EPB41L1: variants seen among roughly 807,000 people sequenced by gnomAD.
EPB41L1 encodes erythrocyte membrane protein band 4.1 like 1.
Under a neutral mutation model 97.8 loss-of-function variants are expected in EPB41L1, and 29 were observed. The ratio of observed to expected loss-of-function variants is 0.30; its 90% CI spans 0.22 to 0.40. The LOEUF is 0.40. EPB41L1 is among the 10% of genes least tolerant of loss of function. The pLI is 1.00. For synonymous variants in EPB41L1, 383 were observed against 459.2 expected, an observed-to-expected ratio of 0.83 and a Z score of 2.12; for missense variants, 812 against 1,162.3, an observed-to-expected ratio of 0.70 and a Z score of 4.38.
chr20:36,212,492 C>A lies in EPB41L1; in HGVS notation c.2184+116C>A, dbSNP rs963247104. ...TCTTTTAATCTCAGCTTCCCTGGAACCCATATGTTAATCCTGATGCTCTCC... is the reference window on the plus strand; with the variant it reads ...TCTTTTAATCTCAGCTTCCCTGGAAACCATATGTTAATCCTGATGCTCTCC... On this transcript the variant is annotated intron_variant, in intron 16 of 21. Coordinates refer to ENST00000338074, the MANE Select transcript of EPB41L1 (RefSeq NM_012156.2). The surrounding 1 kb of genome is among the most constrained non-coding windows in gnomAD (Gnocchi z 4.8). The A allele has an allele frequency of 2.4e-6, 2 of 845,986 alleles. No homozygotes were observed. The highest frequency in any genetic ancestry group is 3.3e-5 in the African/African-American group (2 of 59,746). The allele number at this position is 845,986 out of a possible 1,614,324, so 52.4% of individuals were successfully genotyped here.
Position 36,207,656 on chromosome 20 carries a change from C to G in EPB41L1, c.1669-1832C>G. The G allele has an allele frequency of 7.8e-7, 1 of 1,290,200 alleles. No homozygotes were observed. Among genetic ancestry groups the G allele is most frequent in the South Asian group, 1.2e-5 (1 of 81,034 alleles). 79.9% of individuals were successfully genotyped at this position (1,290,200 alleles called of 1,614,324 possible). On this transcript the variant is annotated intron_variant, in intron 14 of 21. Transcript: ENST00000338074. This position sits in a 1 kb window ranked among gnomAD's most constrained non-coding sequence, Gnocchi z 4.9. Reference sequence around the variant, plus strand: ...AAAGCCACACATTCCACAGTGATACCTCTGGCTACCAGACACTTCAGGGAG... The same window carrying G: ...AAAGCCACACATTCCACAGTGATACGTCTGGCTACCAGACACTTCAGGGAG...
chr20:36,125,182 C>G (rs866432506), intron 2 of EPB41L1, among the ~76,000 whole-genome samples: 2 of 152,132 alleles, frequency 1.3e-5, no homozygotes, highest in Non-Finnish European at 2.9e-5. Context: ...GGCTGGGAAC[C>G]TTTCTGGTGT....
chr20:36,109,544 C>T (rs575293678), intron 1 of EPB41L1: 1 of 152,308 alleles, frequency 6.6e-6, no homozygotes, highest in East Asian at 1.9e-4. Context: ...AGCTCATATT[C>T]AGTTATTCCA....
intron 2 of EPB41L1, among the ~76,000 whole-genome samples, chr20:36,142,267 C>T (rs1366638062): frequency 1.3e-5 from 2 of 152,108 alleles, no homozygotes; most frequent in African/African-American, 4.8e-5. Context: ...TTTTGTGTGG[C>T]TGCGTAGTAT....
chr20:36,157,522 T>C (rs1183904308), intron 1 of EPB41L1, among the ~76,000 whole-genome samples: 1 of 152,178 alleles, frequency 6.6e-6, no homozygotes, highest in Non-Finnish European at 1.5e-5. Flanking sequence ...GGGGGCAATA[T>C]CTGGAAGTAC....
At chr20:36,186,747 A>G (rs143543718) in intron 7 of EPB41L1, among the ~76,000 whole-genome samples, 33 of 152,318 alleles carry the variant, frequency 2.2e-4, no homozygotes, top group Middle Eastern at 6.8e-3. Context: ...TCAGATCAAT[A>G]TGGGCTGGAG....
At position 36,190,378 on chromosome 20, in the gene EPB41L1, A is replaced by G; in HGVS notation, c.1124+4A>G. ...TCGAGCATCATACATTCTTCCGGTG[A>G]GCCTGACCTTGGATGGGGTAATGGG... On this transcript the variant is annotated splice_donor_region_variant and intron_variant, in intron 10 of 21. Transcript: ENST00000338074. This position sits in a 1 kb window ranked among gnomAD's most constrained non-coding sequence, Gnocchi z 5.8. 6.2e-7 allele frequency: 1 copy of G among 1,613,886 alleles called. No homozygotes were observed. Among genetic ancestry groups the G allele is most frequent in the Non-Finnish European group, 8.5e-7 (1 of 1,179,930 alleles).
intron 9 of EPB41L1, 62 bp downstream of exon 9, chr20:36,188,561 G>A: frequency 1.5e-6 from 2 of 1,299,236 alleles, no homozygotes; most frequent in Non-Finnish European, 2.0e-6. Flanking sequence ...GTGGACCCTG[G>A]CAGCTGGGCC....
chr20:36,222,049 C>T (rs1569375370), intron 20 of EPB41L1, 105 bp downstream of exon 20: 3 of 1,258,096 alleles, frequency 2.4e-6, no homozygotes, highest in Non-Finnish European at 3.5e-6. Context: ...AGAAGGTGTC[C>T]ACTTCTTGCT....
chr20:36,221,802 C>A, intron 19 of EPB41L1, 62 bp from the exon 20 acceptor site: 1 of 1,445,966 alleles, frequency 6.9e-7, no homozygotes, highest in East Asian at 2.3e-5. Flanking sequence ...GGGTAGGTCC[C>A]CTCTTGAGGC....
chr20:36,188,076 A>G (rs1355129727), intron 8 of EPB41L1, among the ~76,000 whole-genome samples: 2 of 152,328 alleles, frequency 1.3e-5, no homozygotes, highest in East Asian at 3.9e-4. Context: ...AGTGTGTGCC[A>G]CTAAATATTT....
rs975364376 is a variant in EPB41L1, at chr20:36,207,048, G to A, written c.1669-2440G>A. 18 of 1,289,708 alleles carry A rather than the reference G, an allele frequency of 1.4e-5. No homozygotes were observed. The highest frequency in any genetic ancestry group is 1.4e-5 in the Non-Finnish European group (14 of 988,862). The allele number at this position is 1,289,708 out of a possible 1,614,324, so 79.9% of individuals were successfully genotyped here. Reference sequence around the variant, plus strand: ...GAGGGGCTGAGCTGAAGGACCGCGAGGCTTCAGCATTTCTTCACATGGAGG... The same window carrying A: ...GAGGGGCTGAGCTGAAGGACCGCGAAGCTTCAGCATTTCTTCACATGGAGG... On this transcript the variant is annotated intron_variant, in intron 14 of 21. Coordinates refer to ENST00000338074, the MANE Select transcript of EPB41L1 (RefSeq NM_012156.2). This position sits in a 1 kb window ranked among gnomAD's most constrained non-coding sequence, Gnocchi z 4.9.
At chr20:36,109,647 A>G (rs1285225434) in intron 1 of EPB41L1, 1 of 152,168 alleles carries the variant, frequency 6.6e-6, no homozygotes, top group Non-Finnish European at 1.5e-5. Context: ...TTTGTATGAT[A>G]CCTCAAGAGA....
intron 2 of EPB41L1, among the ~76,000 whole-genome samples, chr20:36,139,181 G>A (rs2059539493): frequency 1.3e-5 from 2 of 152,228 alleles, no homozygotes; most frequent in African/African-American, 4.8e-5. Flanking sequence ...TGTGGGAAGG[G>A]AGACGGCCCG....
At chr20:36,179,350 T>C (rs2146044922) in intron 5 of EPB41L1, among the ~76,000 whole-genome samples, 1 of 152,286 alleles carries the variant, frequency 6.6e-6, no homozygotes, top group South Asian at 2.1e-4. Flanking sequence ...TGGTGTAGTC[T>C]TCAGTAAACA....
At chr20:36,169,108 C>A (rs1057343154) in intron 1 of EPB41L1, among the ~76,000 whole-genome samples, 3 of 151,658 alleles carry the variant, frequency 2.0e-5, no homozygotes, top group Admixed American at 2.0e-4. Flanking sequence ...CACCTGTAAT[C>A]CCAGTTACTC....
Position 36,194,267 on chromosome 20 carries a change from T to C in EPB41L1, c.1356T>C (p.Gly452=), listed in dbSNP as rs745970451. ...AGAACCATGATGCAGGGCCTGACGG[T>C]GACAAGCGGGATGAGGATGGCGAGT... ...VSENHDAGPD[G]DKRDEDGESG... The change falls in exon 12 of 22, where the codon GGT becomes GGC. Residue 452 remains glycine (G), a synonymous_variant. Coordinates refer to ENST00000338074, the MANE Select transcript of EPB41L1 (RefSeq NM_012156.2). The C allele has an allele frequency of 1.2e-6, 2 of 1,614,100 alleles. No individual in the cohort carries two copies. Among genetic ancestry groups the C allele is most frequent in the Non-Finnish European group, 1.7e-6 (2 of 1,180,018 alleles).
At chr20:36,174,060 AGATT>A in intron 2 of EPB41L1, 106 bp downstream of exon 2, 1 of 1,217,448 alleles carries the variant, frequency 8.2e-7, no homozygotes, top group Non-Finnish European at 1.2e-6. Context: ...AAGGAAACTA[AGATT>A]TATTAGTGAC....
At chr20:36,213,799 A>G (rs1416929348) in intron 16 of EPB41L1, among the ~76,000 whole-genome samples, 4 of 152,220 alleles carry the variant, frequency 2.6e-5, no homozygotes, top group Admixed American at 6.5e-5. Context: ...CAACACAGAT[A>G]CCTACATCTC....
Sources: gnomAD v4.1 joint callset for allele counts (sites outside exome capture counted in the v4.1 genomes callset) on GRCh38, gnomAD v4.1.1 for gene constraint, Gnocchi (gnomAD v3.1) non-coding constraint, MANE v1.5 for transcripts, NCBI Gene and HGNC (gene_info 2026-07-23, HGNC 2026-07-21) for gene names.